The following OR1J2 variants were observed in gnomAD, a reference collection of about 807,000 sequenced individuals.
OR1J2 encodes the protein olfactory receptor 1J2.
For missense variants in OR1J2, 304 were observed against 246.1 expected, an observed-to-expected ratio of 1.24 and a Z score of -1.57; for synonymous variants, 142 against 99.7, an observed-to-expected ratio of 1.42 and a Z score of -2.52.
the OR1J2 span, chr9:122,553,857 C>T: frequency 1.9e-6 from 3 of 1,613,956 alleles, no homozygotes; most frequent in Admixed American, 1.7e-5. Flanking sequence ...TCCCCTCCTG[C>T]TGATCGTCTT....
At chr9:122,502,072 T>G in the OR1J2 span, among the ~76,000 whole-genome samples, 6 of 152,206 alleles carry the variant, frequency 3.9e-5, no homozygotes, top group Admixed American at 2.6e-4. Context: ...TCTCCAGCAC[T>G]TCTAGCTTGC....
chr9:122,519,355 C>T, the OR1J2 span: 1 of 1,614,148 alleles, frequency 6.2e-7, no homozygotes, highest in South Asian at 1.1e-5. Flanking sequence ...ACTGACATCT[C>T]CCTTTCATCT....
At chr9:122,524,155 C>T in the OR1J2 span, among the ~76,000 whole-genome samples, 1 of 152,186 alleles carries the variant, frequency 6.6e-6, no homozygotes, top group African/African-American at 2.4e-5. Context: ...TAAATCCTAT[C>T]ACAGAAATAC....
At chr9:122,475,407 G>GAT in the OR1J2 span, among the ~76,000 whole-genome samples, 2 of 152,156 alleles carry the variant, frequency 1.3e-5, no homozygotes, top group South Asian at 2.1e-4. Flanking sequence ...AAAAGCAGGG[G>GAT]ATATATATGA....
At chr9:122,519,166 T>C in the OR1J2 span, 1 of 1,609,490 alleles carries the variant, frequency 6.2e-7, no homozygotes, top group Non-Finnish European at 8.5e-7. Flanking sequence ...CAGAGCAGTG[T>C]GTCTGAGTTC....
At chr9:122,540,463 C>T in the OR1J2 span, among the ~76,000 whole-genome samples, 20,769 of 151,516 alleles carry the variant, frequency 0.14, 1,071 homozygotes, top group East Asian at 0.33. Context: ...CTGTTCTGTT[C>T]CATTGGTCTA....
chr9:122,567,377 A>T, the OR1J2 span: 1 of 508,342 alleles, frequency 2.0e-6, no homozygotes. Flanking sequence ...TTTAAGAGAT[A>T]CAGGCCGAAT....
chr9:122,568,326 C>T, the OR1J2 span: 16 of 1,613,910 alleles, frequency 9.9e-6, no homozygotes, highest in African/African-American at 2.7e-5. Flanking sequence ...GGGGTTGAAG[C>T]GAATGGCCAG....
the OR1J2 span, among the ~76,000 whole-genome samples, chr9:122,495,229 A>G: frequency 6.6e-6 from 1 of 152,114 alleles, no homozygotes; most frequent in Non-Finnish European, 1.5e-5. Flanking sequence ...GGATGTCTAG[A>G]TCTCTACCAA....
the OR1J2 span, among the ~76,000 whole-genome samples, chr9:122,547,356 TTTTATTTTATTTGTTATATACTG>T: frequency 6.6e-6 from 1 of 152,120 alleles, no homozygotes; most frequent in Non-Finnish European, 1.5e-5. Flanking sequence ...AATTTGATTG[TTTTATTTTATTTGTTATATACTG>T]TTTATTTTAT....
the OR1J2 span, among the ~76,000 whole-genome samples, chr9:122,465,057 C>T: frequency 6.6e-6 from 1 of 152,056 alleles, no homozygotes. Flanking sequence ...AAGGTAGGCA[C>T]GAGTTGGCCG....
the OR1J2 span, among the ~76,000 whole-genome samples, chr9:122,454,516 TAAAA>T: frequency 0.012 from 1,681 of 145,162 alleles, 38 homozygotes; most frequent in African/African-American, 0.04. Flanking sequence ...AGACTCGATC[TAAAA>T]AAAAAAAAGT....
the OR1J2 span, among the ~76,000 whole-genome samples, chr9:122,571,073 C>G: frequency 6.6e-6 from 1 of 152,180 alleles, no homozygotes; most frequent in African/African-American, 2.4e-5. Context: ...TTTCCTCACT[C>G]TGATAAATTT....
the OR1J2 span, among the ~76,000 whole-genome samples, chr9:122,472,368 G>A: frequency 1.3e-5 from 2 of 152,208 alleles, no homozygotes; most frequent in East Asian, 3.9e-4. Flanking sequence ...CAATCTTACA[G>A]CACTTTAATT....
chr9:122,480,648 A>T, the OR1J2 span, among the ~76,000 whole-genome samples: 1 of 151,262 alleles, frequency 6.6e-6, no homozygotes, highest in Non-Finnish European at 1.5e-5. Flanking sequence ...TTATTATTAT[A>T]CTTTAAGTTC....
the OR1J2 span, among the ~76,000 whole-genome samples, chr9:122,539,958 G>T: frequency 6.6e-6 from 1 of 151,804 alleles, no homozygotes; most frequent in Admixed American, 6.6e-5. Flanking sequence ...TTTTTGATGG[G>T]GTTGTTTGTT....
At chr9:122,519,592 T>A in the OR1J2 span, 1 of 1,613,924 alleles carries the variant, frequency 6.2e-7, no homozygotes, top group African/African-American at 1.3e-5. Context: ...TCCTGGATCC[T>A]CTCCTGTACC....
the OR1J2 span, among the ~76,000 whole-genome samples, chr9:122,576,431 C>T: frequency 0.089 from 13,106 of 146,858 alleles, 669 homozygotes; most frequent in Middle Eastern, 0.14. Context: ...GATGTGGTTT[C>T]GCTACATTGG....
downstream of OR1J2, among the ~76,000 whole-genome samples, chr9:122,512,451 T>C (rs1329954): frequency 0.19 from 29,100 of 152,202 alleles, 2,884 homozygotes; most frequent in East Asian, 0.26. Context: ...AGCTGCCACA[T>C]GCAACAATGC....
Sources: allele counts gnomAD v4.1 joint callset (sites outside exome capture counted in the v4.1 genomes callset), GRCh38; gene constraint gnomAD v4.1.1; transcripts MANE v1.5; gene names NCBI Gene and HGNC (gene_info 2026-07-23, HGNC 2026-07-21).